Variants in MUSK observed in about 807,000 individuals in gnomAD.
MUSK encodes the protein muscle associated receptor tyrosine kinase.
Under a neutral mutation model 88.7 loss-of-function variants are expected in MUSK, and 55 were observed. The ratio of observed to expected loss-of-function variants is 0.62; its 90% CI spans 0.50 to 0.78. MUSK has a LOEUF of 0.78. Among genes scored for constraint, MUSK ranks in the 30% least tolerant of loss-of-function variants. MUSK has a pLI of 0.00. For missense variants in MUSK, 1,015 were observed against 1,074.3 expected (o/e 0.94, Z 0.77); for synonymous variants, 387 against 391.9 (o/e 0.99, Z 0.15).
At chr9:110,709,880 C>T (rs2076646092) in intron 5 of MUSK, among the ~76,000 whole-genome samples, 1 of 152,122 alleles carries the variant, frequency 6.6e-6, no homozygotes, top group African/African-American at 2.4e-5. Context: ...GGCAGTGGCT[C>T]ACGCCTGTAA....
intron 2 of MUSK, among the ~76,000 whole-genome samples, chr9:110,685,740 A>G (rs1161981702): frequency 1.3e-5 from 2 of 152,140 alleles, no homozygotes; most frequent in Non-Finnish European, 2.9e-5. Flanking sequence ...ATTCTTTAAG[A>G]TGATGTAGAT....
At chr9:110,726,148 T>C (rs906210335) in intron 5 of MUSK, among the ~76,000 whole-genome samples, 20 of 152,046 alleles carry the variant, frequency 1.3e-4, no homozygotes, top group Admixed American at 7.9e-4. Flanking sequence ...AGAGGTATAA[T>C]ATATTTGCAT....
At chr9:110,704,345 A>G (rs1001081661) in intron 5 of MUSK, among the ~76,000 whole-genome samples, 1 of 152,174 alleles carries the variant, frequency 6.6e-6, no homozygotes, top group Non-Finnish European at 1.5e-5. Context: ...TATCTACCGT[A>G]TATGTGACTT....
chr9:110,713,458 C>T (rs1401630359), intron 5 of MUSK, among the ~76,000 whole-genome samples: 1 of 152,046 alleles, frequency 6.6e-6, no homozygotes, highest in Non-Finnish European at 1.5e-5. Flanking sequence ...TGGGGCTTCA[C>T]CATGTTGGCC....
chr9:110,723,517 A>G (rs913790656), intron 5 of MUSK, among the ~76,000 whole-genome samples: 3 of 152,224 alleles, frequency 2.0e-5, no homozygotes, highest in Non-Finnish European at 2.9e-5. Context: ...TATATTACGT[A>G]CAGTTTACCC....
At chr9:110,699,673 G>A (rs1180200294) in intron 5 of MUSK, among the ~76,000 whole-genome samples, 1 of 152,110 alleles carries the variant, frequency 6.6e-6, no homozygotes, top group East Asian at 1.9e-4. Flanking sequence ...AACCTCAAAA[G>A]TACATGCAGA....
At chr9:110,777,827 T>C (rs1483588417) in intron 11 of MUSK, among the ~76,000 whole-genome samples, 2 of 152,110 alleles carry the variant, frequency 1.3e-5, no homozygotes, top group African/African-American at 4.8e-5. Context: ...CAATAATAAA[T>C]TTTCTAGTCT....
rs372082767 is a variant in MUSK, at chr9:110,785,546, C to G, written c.1606C>G (p.Leu536Val). 10 of 1,610,656 alleles carry G rather than the reference C, an allele frequency of 6.2e-6. No homozygotes were observed. The highest frequency in any genetic ancestry group is 2.7e-5 in the African/African-American group (2 of 74,806). The change falls in exon 13 of 15, where the codon CTC becomes GTC. Residue 536 changes from leucine (L) to valine (V), a missense_variant. Coordinates refer to ENST00000374448, the MANE Select transcript of MUSK (RefSeq NM_005592.4). ...NKKRESAAVT[L>V]TTLPSELLLD... ...CTGCAGAGAATCAGCAGCAGTAACC[C>G]TCACCACACTGCCTTCTGAGCTCTT... is the stretch of plus-strand genomic sequence containing the variant.
intron 11 of MUSK, among the ~76,000 whole-genome samples, chr9:110,779,388 T>C (rs962672885): frequency 2.0e-5 from 3 of 152,308 alleles, no homozygotes; most frequent in Admixed American, 1.3e-4. Flanking sequence ...ACTCTATTTC[T>C]TTGATTTATT....
intron 5 of MUSK, among the ~76,000 whole-genome samples, chr9:110,717,959 T>C (rs1189628594): frequency 6.6e-6 from 1 of 152,150 alleles, no homozygotes; most frequent in African/African-American, 2.4e-5. Flanking sequence ...CAATAAACGA[T>C]TATCACTTCA....
At chr9:110,782,899 T>C (rs2077785923) in intron 11 of MUSK, among the ~76,000 whole-genome samples, 1 of 152,184 alleles carries the variant, frequency 6.6e-6, no homozygotes, top group African/African-American at 2.4e-5. Flanking sequence ...GTTCTTCCAG[T>C]TCCAGGTGCC....
chr9:110,693,120 C>T (rs535232394), intron 3 of MUSK, among the ~76,000 whole-genome samples: 3 of 152,254 alleles, frequency 2.0e-5, no homozygotes, highest in African/African-American at 7.2e-5. Flanking sequence ...CTCTCATTTG[C>T]TAAATAATGA....
rs1303813392 is a variant in MUSK at position 110,800,776 on chromosome 9, C to T, written c.2398C>T (p.Leu800=). The T allele has an allele frequency of 6.2e-7, 1 of 1,614,008 alleles. No homozygotes were observed. The highest frequency in any genetic ancestry group is 2.2e-5 in the East Asian group (1 of 44,872). Residue 800 remains leucine, a synonymous_variant, in exon 15 of 15, where the codon CTG becomes TTG. Coordinates refer to ENST00000374448, the MANE Select transcript of MUSK (RefSeq NM_005592.4). ...CCTCTGGGAGATCTTCTCCTATGGC[C>T]TGCAGCCCTACTATGGGATGGCCCA... ...VVLWEIFSYG[L]QPYYGMAHEE...
chr9:110,766,004 T>C lies in MUSK; in HGVS notation c.921-1816T>C, dbSNP rs888505718. Among the ~76,000 whole-genome samples, 5 of 151,992 alleles carry C rather than the reference T, an allele frequency of 3.3e-5. 1 individual carries two copies. Among genetic ancestry groups the C allele is most frequent in the South Asian group, 4.2e-4 (2 of 4,790 alleles). ...AACTAGCCCATCCTGCTTGTTCAGA[T>C]TTTTCTCAGCCCCTCTGTGCAGCAC... On this transcript the variant is annotated intron_variant, in intron 8 of 14. Coordinates refer to ENST00000374448, the MANE Select transcript of MUSK (RefSeq NM_005592.4).
chr9:110,732,407 T>C (rs959642933), intron 5 of MUSK, among the ~76,000 whole-genome samples: 6 of 152,058 alleles, frequency 3.9e-5, no homozygotes, highest in African/African-American at 4.8e-5. Flanking sequence ...GTGTTAGTTG[T>C]CAAGAGTCTG....
At chr9:110,778,904 T>C (rs2077709556) in intron 11 of MUSK, among the ~76,000 whole-genome samples, 1 of 152,154 alleles carries the variant, frequency 6.6e-6, no homozygotes, top group Admixed American at 6.5e-5. Flanking sequence ...TTGATAAAAA[T>C]TTTATTGTTC....
chr9:110,769,256 C>T, intron 9 of MUSK, among the ~76,000 whole-genome samples: 1 of 152,288 alleles, frequency 6.6e-6, no homozygotes, highest in South Asian at 2.1e-4. Flanking sequence ...TTTGAGGACA[C>T]TCTCTATTTA....
chr9:110,786,897 C>A (rs1258637904), intron 13 of MUSK, among the ~76,000 whole-genome samples: 1 of 152,152 alleles, frequency 6.6e-6, no homozygotes, highest in African/African-American at 2.4e-5. Flanking sequence ...ACAACTTAAT[C>A]TCCACCCATG....
chr9:110,771,995 ATTATAT>A (rs1255294555), intron 9 of MUSK, among the ~76,000 whole-genome samples: 1 of 151,804 alleles, frequency 6.6e-6, no homozygotes, highest in African/African-American at 2.4e-5. Flanking sequence ...ATTTCATTTT[ATTATAT>A]TTATATACAA....
Sources: allele counts gnomAD v4.1 joint callset (sites outside exome capture counted in the v4.1 genomes callset), GRCh38; gene constraint gnomAD v4.1.1; transcripts MANE v1.5; gene names NCBI Gene and HGNC (gene_info 2026-07-23, HGNC 2026-07-21).